The following LRBA variants were observed in gnomAD, a reference collection of about 807,000 sequenced individuals.
The protein encoded by LRBA is LPS responsive beige-like anchor protein, also known as lipopolysaccharide-responsive and beige-like anchor protein.
LRBA carries 176 observed loss-of-function variants against 330.0 expected under a neutral mutation model. The ratio of observed to expected loss-of-function variants is 0.53; its 90% CI spans 0.47 to 0.60. The LOEUF is 0.60. LRBA is among the 20% of genes least tolerant of loss of function. LRBA has a pLI of 0.00. For missense variants in LRBA, 3,259 were observed against 3,444.8 expected (o/e 0.95, Z 1.35); for synonymous variants, 1,230 against 1,193.0 (o/e 1.03, Z -0.64).
At chr4:150,499,524 C>T (rs890088142) in intron 40 of LRBA, among the ~76,000 whole-genome samples, 10 of 152,074 alleles carry the variant, frequency 6.6e-5, no homozygotes, top group Middle Eastern at 3.4e-3. Context: ...CCTGTAGTTC[C>T]GGCTACTCCA....
intron 28 of LRBA, among the ~76,000 whole-genome samples, chr4:150,838,042 A>G (rs1364220443): frequency 6.6e-6 from 1 of 152,016 alleles, no homozygotes; most frequent in African/African-American, 2.4e-5. Context: ...TTTCTCCTTC[A>G]CTTATGAAGC....
At chr4:150,346,783 A>C (rs939860245) in intron 48 of LRBA, among the ~76,000 whole-genome samples, 16 of 133,578 alleles carry the variant, frequency 1.2e-4, no homozygotes, top group East Asian at 4.3e-4. Flanking sequence ...AAAAAAAAAA[A>C]AAAACACTTA....
At chr4:150,332,072 C>G (rs1485266486) in intron 48 of LRBA, among the ~76,000 whole-genome samples, 1 of 152,150 alleles carries the variant, frequency 6.6e-6, no homozygotes, top group Non-Finnish European at 1.5e-5. Flanking sequence ...GATATTATTA[C>G]AGCATATATA....
At chr4:150,844,352 CCTT>C in intron 27 of LRBA, 145 bp from the exon 28 acceptor site, 3 of 523,330 alleles carry the variant, frequency 5.7e-6, no homozygotes, top group Non-Finnish European at 9.7e-6. Context: ...GTGTATGCTT[CCTT>C]CTTCTTTGAG....
chr4:150,346,061 G>A (rs1312637036), intron 48 of LRBA, among the ~76,000 whole-genome samples: 3 of 152,138 alleles, frequency 2.0e-5, no homozygotes, highest in African/African-American at 7.2e-5. Flanking sequence ...TCCTGCCGTG[G>A]CCTTCCAAAA....
intron 44 of LRBA, among the ~76,000 whole-genome samples, chr4:150,465,902 G>C (rs577721442): frequency 6.6e-6 from 1 of 152,006 alleles, no homozygotes; most frequent in African/African-American, 2.4e-5. Flanking sequence ...TGTATTCAAT[G>C]ATTTTGCTTA....
chr4:150,828,599 G>A lies in LRBA; in HGVS notation c.4752C>T (p.Ser1584=), dbSNP rs1296801925. 1 of 1,613,776 alleles carries A rather than the reference G, an allele frequency of 6.2e-7. No homozygotes were observed. Among genetic ancestry groups the A allele is most frequent in the Admixed American group, 1.7e-5 (1 of 60,000 alleles). The change falls in exon 30 of 57, where the codon AGC becomes AGT. Residue 1584 remains serine (S), a synonymous_variant. Coordinates refer to ENST00000651943, the MANE Select transcript of LRBA (RefSeq NM_001364905.1). ...CTTCCACTGATGCCGTAGTTAAAGT[G>A]CTGAATGCTGCTGGTGTGATTTCTA... ...SLSEITPAAF[S]TLTTASVEES... is the part of the protein sequence containing the mutation.
In LRBA at chr4:150,950,734, CT is replaced by C. The variant is rs565310012; in HGVS notation, c.217-21670del. Reference sequence around the variant, plus strand: ...CTGTAATAGACAATGTTGTTTTTGTCTGTATTGTATTTACTCTTCCTTCCAT... The same window carrying C: ...CTGTAATAGACAATGTTGTTTTTGTCGTATTGTATTTACTCTTCCTTCCAT... On this transcript the variant is annotated intron_variant, in intron 2 of 56. Coordinates refer to ENST00000651943, the MANE Select transcript of LRBA (RefSeq NM_001364905.1). 2.8e-3 allele frequency among the ~76,000 whole-genome samples: 424 copies of C among 152,178 alleles called. 1 individual carries two copies. The highest frequency in any genetic ancestry group is 5.8e-3 in the South Asian group (28 of 4,820).
chr4:150,325,689 T>C (rs1733147998), intron 49 of LRBA, 120 bp downstream of exon 49: 1 of 675,298 alleles, frequency 1.5e-6, no homozygotes, highest in African/African-American at 1.8e-5. Flanking sequence ...TTAACAAATA[T>C]TGCATAAAAA....
At chr4:150,838,214 G>A (rs929074784) in intron 28 of LRBA, among the ~76,000 whole-genome samples, 1 of 152,116 alleles carries the variant, frequency 6.6e-6, no homozygotes, top group Non-Finnish European at 1.5e-5. Flanking sequence ...CTCTCTGGCT[G>A]CCCTTAACAT....
At chr4:150,289,992 T>C (rs959510868) in intron 53 of LRBA, among the ~76,000 whole-genome samples, 11 of 152,198 alleles carry the variant, frequency 7.2e-5, no homozygotes, top group African/African-American at 2.7e-4. Flanking sequence ...TTTATGTCTC[T>C]GTAGTTACAC....
intron 37 of LRBA, among the ~76,000 whole-genome samples, chr4:150,628,082 T>C (rs1349496195): frequency 6.6e-6 from 1 of 152,180 alleles, no homozygotes; most frequent in African/African-American, 2.4e-5. Flanking sequence ...AAAGTATTCT[T>C]CTTTTAATCC....
At chr4:150,334,820 G>T (rs1312620363) in intron 48 of LRBA, among the ~76,000 whole-genome samples, 10 of 136,876 alleles carry the variant, frequency 7.3e-5, no homozygotes, top group South Asian at 2.3e-4. Flanking sequence ...AGTTTTTTTT[G>T]TTTTGTCTTG....
intron 54 of LRBA, among the ~76,000 whole-genome samples, chr4:150,284,557 C>G (rs1370925591): frequency 8.5e-5 from 13 of 152,098 alleles, no homozygotes; most frequent in South Asian, 2.1e-4. Flanking sequence ...TTCTTAGAGA[C>G]AGGGTTTTGC....
At chr4:150,437,746 C>A (rs1751314359) in intron 44 of LRBA, among the ~76,000 whole-genome samples, 2 of 152,028 alleles carry the variant, frequency 1.3e-5, no homozygotes, top group South Asian at 2.1e-4. Flanking sequence ...TAAAGTCCAA[C>A]AAACTATGCC....
chr4:150,780,445 G>A (rs1738002243), intron 34 of LRBA, among the ~76,000 whole-genome samples: 1 of 151,780 alleles, frequency 6.6e-6, no homozygotes, highest in Non-Finnish European at 1.5e-5. Flanking sequence ...TTATGTTACA[G>A]TAACTTCTTA....
At chr4:150,653,173 T>C (rs1779868169) in intron 37 of LRBA, among the ~76,000 whole-genome samples, 1 of 152,102 alleles carries the variant, frequency 6.6e-6, no homozygotes, top group African/African-American at 2.4e-5. Flanking sequence ...CGAGAACCTG[T>C]CTCTACAAAA....
In LRBA at chr4:150,928,535, T is replaced by C; in HGVS notation, c.530A>G (p.Gln177Arg). 1 of 1,613,634 alleles carries C rather than the reference T, an allele frequency of 6.2e-7. No homozygotes were observed. The highest frequency in any genetic ancestry group is 8.5e-7 in the Non-Finnish European group (1 of 1,179,696). ...RELKLFFSKL[Q>R]GDKGRWPPHA... is the part of the protein sequence containing the mutation. ...TTTTACCCATCGTCCTTTATCTCCT[T>C]GAAGTTTACTGAAGAAAAGCTTTAG... is the stretch of plus-strand genomic sequence containing the variant. The change falls in exon 4 of 57, where the codon CAA (glutamine) becomes CGA (arginine). Residue 177 changes from glutamine (Q) to arginine (R), a missense_variant. By Grantham distance (43) the Gln-to-Arg change is conservative. Coordinates refer to ENST00000651943, the MANE Select transcript of LRBA (RefSeq NM_001364905.1).
intron 22 of LRBA, among the ~76,000 whole-genome samples, chr4:150,863,256 C>G (rs1752199576): frequency 6.6e-6 from 1 of 152,182 alleles, no homozygotes; most frequent in African/African-American, 2.4e-5. Flanking sequence ...TATGAGCACA[C>G]CACTACACTT....
Sources: gnomAD v4.1 joint callset for allele counts (sites outside exome capture counted in the v4.1 genomes callset) on GRCh38, gnomAD v4.1.1 for gene constraint, MANE v1.5 for transcripts, NCBI Gene and HGNC (gene_info 2026-07-23, HGNC 2026-07-21) for gene names.